SMYD3: variants seen among roughly 807,000 people sequenced by gnomAD.
The protein encoded by SMYD3 is histone-lysine N-methyltransferase SMYD3.
In SMYD3, 36 loss-of-function variants were observed where a neutral mutation model predicts 57.7. That is an observed-to-expected ratio of 0.62 (90% confidence interval 0.48 to 0.82). The LOEUF (loss-of-function observed/expected upper bound fraction) is 0.82. Ranked by LOEUF, SMYD3 falls within the 40% of genes least tolerant of loss-of-function variation. The pLI is 0.00. For synonymous variants in SMYD3, 211 were observed against 195.0 expected, an observed-to-expected ratio of 1.08 and a Z score of -0.68; for missense variants, 515 against 538.8, an observed-to-expected ratio of 0.96 and a Z score of 0.44.
chr1:246,399,261 T>C (rs2066728869), intron 1 of SMYD3, among the ~76,000 whole-genome samples: 1 of 152,138 alleles, frequency 6.6e-6, no homozygotes, highest in South Asian at 2.1e-4. Context: ...TGGCCTCAAA[T>C]GATCCACCTG....
At chr1:245,860,012 T>G (rs142461023) in intron 9 of SMYD3, among the ~76,000 whole-genome samples, 1 of 152,230 alleles carries the variant, frequency 6.6e-6, no homozygotes, top group Non-Finnish European at 1.5e-5. Context: ...AGAGACACAG[T>G]GGGGAACATT....
intron 5 of SMYD3, among the ~76,000 whole-genome samples, chr1:246,114,852 G>A (rs1194506199): frequency 2.0e-5 from 3 of 151,966 alleles, no homozygotes; most frequent in Non-Finnish European, 2.9e-5. Flanking sequence ...GGCTGGTCTC[G>A]ATCTCTTGAC....
intron 1 of SMYD3, among the ~76,000 whole-genome samples, chr1:246,454,425 C>T (rs906055322): frequency 6.6e-6 from 1 of 152,140 alleles, no homozygotes; most frequent in African/African-American, 2.4e-5. Flanking sequence ...AAAAGAAATA[C>T]ATAAGGCAAA....
chr1:246,486,113 T>C (rs1389601142), intron 1 of SMYD3, among the ~76,000 whole-genome samples: 1 of 152,258 alleles, frequency 6.6e-6, no homozygotes, highest in East Asian at 1.9e-4. Flanking sequence ...CTGAACACTT[T>C]ATCATAGATT....
chr1:246,160,467 G>A (rs1030853176), intron 5 of SMYD3, among the ~76,000 whole-genome samples: 1 of 152,178 alleles, frequency 6.6e-6, no homozygotes, highest in African/African-American at 2.4e-5. Context: ...ACACTGAAAT[G>A]TCAAAGCTCC....
chr1:246,457,532 C>CAAAAA (rs59617511), intron 1 of SMYD3, among the ~76,000 whole-genome samples: 55 of 82,398 alleles, frequency 6.7e-4, no homozygotes, highest in East Asian at 3.3e-3. Context: ...GACTCTGCCT[C>CAAAAA]AAAAAAAAAA....
intron 1 of SMYD3, among the ~76,000 whole-genome samples, chr1:246,481,264 G>A (rs1442995886): frequency 1.3e-5 from 2 of 152,068 alleles, no homozygotes; most frequent in Non-Finnish European, 2.9e-5. Context: ...AAGATGCCCA[G>A]ATATGTGGTT....
chr1:246,301,270 C>G (rs1204233788), intron 5 of SMYD3, among the ~76,000 whole-genome samples: 1 of 152,098 alleles, frequency 6.6e-6, no homozygotes, highest in Non-Finnish European at 1.5e-5. Flanking sequence ...TCGACAGATT[C>G]AAATCAGCAA....
intron 5 of SMYD3, among the ~76,000 whole-genome samples, chr1:246,154,357 G>A (rs1211136290): frequency 1.3e-5 from 2 of 152,204 alleles, no homozygotes; most frequent in Non-Finnish European, 2.9e-5. Flanking sequence ...CTCCAGGTAA[G>A]TAATCTGCCC....
At chr1:246,113,223 A>G (rs1252181396) in intron 5 of SMYD3, among the ~76,000 whole-genome samples, 1 of 150,794 alleles carries the variant, frequency 6.6e-6, no homozygotes, top group East Asian at 1.9e-4. Flanking sequence ...AAATAAATAA[A>G]TAAATAAAAT....
intron 1 of SMYD3, among the ~76,000 whole-genome samples, chr1:246,505,117 G>T (rs1479680660): frequency 2.0e-5 from 3 of 152,168 alleles, no homozygotes; most frequent in African/African-American, 7.2e-5. Context: ...GTAAGTATTT[G>T]TCAGTCATTA....
At chr1:246,272,157 G>A (rs2064236497) in intron 5 of SMYD3, among the ~76,000 whole-genome samples, 1 of 152,124 alleles carries the variant, frequency 6.6e-6, no homozygotes, top group African/African-American at 2.4e-5. Context: ...GTTTAATTCA[G>A]TTATTAGCAT....
intron 5 of SMYD3, among the ~76,000 whole-genome samples, chr1:246,263,688 G>C (rs997427539): frequency 1.3e-5 from 2 of 152,036 alleles, no homozygotes; most frequent in Admixed American, 1.3e-4. Context: ...ATTTCTTTTT[G>C]TACAATTCTA....
intron 5 of SMYD3, among the ~76,000 whole-genome samples, chr1:246,100,186 G>A (rs971008683): frequency 6.6e-6 from 1 of 152,026 alleles, no homozygotes; most frequent in South Asian, 2.1e-4. Flanking sequence ...ACTCTAGCCT[G>A]GTGACAGAGC....
At chr1:245,949,803 T>G (rs968337976) in intron 5 of SMYD3, among the ~76,000 whole-genome samples, 3 of 151,162 alleles carry the variant, frequency 2.0e-5, no homozygotes, top group Non-Finnish European at 2.9e-5. Context: ...AGTGAGACCC[T>G]GTCTCCAAAA....
chr1:245,805,704 A>G (rs1388388908), intron 10 of SMYD3, among the ~76,000 whole-genome samples: 1 of 152,096 alleles, frequency 6.6e-6, no homozygotes, highest in Non-Finnish European at 1.5e-5. Flanking sequence ...TTCAGTGCTC[A>G]CCCCGTCTGT....
chr1:246,335,551 G>T, intron 2 of SMYD3, 77 bp from the exon 3 acceptor site: 3 of 1,107,056 alleles, frequency 2.7e-6, no homozygotes, highest in Admixed American at 1.9e-5. Context: ...AACATCAAGA[G>T]TCATAAACAT....
rs1439977000 is a variant in SMYD3 at position 245,798,496 on chromosome 1, AC to A, written c.1077-34348del. On this transcript the variant is annotated intron_variant, in intron 10 of 11. Transcript: ENST00000490107. ...CATACACAACACACCACACACACACACACACACACCTTGAGCCTTCCCCATG... is the reference window on the plus strand; with the variant it reads ...CATACACAACACACCACACACACACAACACACACCTTGAGCCTTCCCCATG... Among the ~76,000 whole-genome samples, 5 of 124,200 alleles carry A rather than the reference AC, an allele frequency of 4.0e-5. No homozygotes were observed. The East Asian group carries it at 1.5e-3, about 38-fold the overall frequency. 81.5% of individuals were successfully genotyped at this position (124,200 alleles called of 152,430 possible).
chr1:245,806,916 CAAAAAAAAAAAAAA>C (rs112012738), intron 10 of SMYD3, among the ~76,000 whole-genome samples: 2 of 41,316 alleles, frequency 4.8e-5, no homozygotes, highest in African/African-American at 1.8e-4. Flanking sequence ...GACTCCGTCT[CAAAAAAAAAAAAAA>C]AAAAAAAAAA....
Sources: gnomAD v4.1 joint callset for allele counts (sites outside exome capture counted in the v4.1 genomes callset) on GRCh38, gnomAD v4.1.1 for gene constraint, MANE v1.5 for transcripts, NCBI Gene and HGNC (gene_info 2026-07-23, HGNC 2026-07-21) for gene names.